Variants in PTPRQ observed in about 807,000 individuals in gnomAD.
PTPRQ encodes the protein protein tyrosine phosphatase receptor type Q, also known as phosphatidylinositol phosphatase PTPRQ.
A neutral mutation model predicts 246.0 loss-of-function variants in PTPRQ; 199 were observed. That is an observed-to-expected ratio of 0.81 (90% CI 0.72 to 0.91). The LOEUF is 0.91. Ranked by LOEUF, PTPRQ falls within the 40% of genes least tolerant of loss-of-function variation. PTPRQ has a pLI of 0.00. For missense variants in PTPRQ, 2,624 were observed against 2,528.4 expected (o/e 1.04, Z -0.81); for synonymous variants, 869 against 853.2 (o/e 1.02, Z -0.32).
At chr12:80,511,602 TA>T (rs1895130135) in intron 17 of PTPRQ, among the ~76,000 whole-genome samples, 1 of 152,184 alleles carries the variant, frequency 6.6e-6, no homozygotes, top group African/African-American at 2.4e-5. Context: ...GAAGGAGGTC[TA>T]CTTTTGATGG....
At chr12:80,546,442 C>A (rs539063883) in intron 23 of PTPRQ, 114 bp from the exon 24 acceptor site, 6 of 1,000,048 alleles carry the variant, frequency 6.0e-6, no homozygotes, top group South Asian at 5.3e-5. Context: ...TTAAAATATC[C>A]ATGCTTATTA....
At chr12:80,491,681 G>C (rs1894454042) in intron 9 of PTPRQ, among the ~76,000 whole-genome samples, 1 of 151,838 alleles carries the variant, frequency 6.6e-6, no homozygotes, top group Admixed American at 6.6e-5. Flanking sequence ...TTATCTTTCA[G>C]AAGAATTAAT....
chr12:80,536,918 G>A (rs1265050462), intron 19 of PTPRQ, among the ~76,000 whole-genome samples: 1 of 152,008 alleles, frequency 6.6e-6, no homozygotes, highest in Non-Finnish European at 1.5e-5. Flanking sequence ...TTTACTTATG[G>A]CTTCTATGTG....
chr12:80,586,243 A>G (rs1383019890), intron 25 of PTPRQ, among the ~76,000 whole-genome samples: 4 of 151,972 alleles, frequency 2.6e-5, no homozygotes, highest in Non-Finnish European at 5.9e-5. Flanking sequence ...AAGGACATGA[A>G]CAGACACTTC....
At chr12:80,612,874 G>A (rs1898606623) in intron 28 of PTPRQ, among the ~76,000 whole-genome samples, 1 of 150,498 alleles carries the variant, frequency 6.6e-6, no homozygotes, top group Non-Finnish European at 1.5e-5. Flanking sequence ...AATACATGTA[G>A]TATCCACCTT....
chr12:80,444,445 G>A, intron 1 of PTPRQ, 46 bp downstream of exon 1: 2 of 1,105,298 alleles, frequency 1.8e-6, no homozygotes, highest in South Asian at 1.4e-5. Flanking sequence ...GTCATGGGCT[G>A]TAGATTTCTC....
At chr12:80,567,072 A>G (rs1464739118) in intron 25 of PTPRQ, among the ~76,000 whole-genome samples, 1 of 152,224 alleles carries the variant, frequency 6.6e-6, no homozygotes, top group Non-Finnish European at 1.5e-5. Flanking sequence ...AAGCACTATT[A>G]GGAACTTTGA....
intron 3 of PTPRQ, among the ~76,000 whole-genome samples, chr12:80,453,154 G>C (rs1009682538): frequency 5.3e-5 from 8 of 151,886 alleles, no homozygotes; most frequent in South Asian, 4.1e-4. Context: ...CCAGTTGATC[G>C]CATCGGCTCC....
At chr12:80,607,215 G>A (rs138035731) in intron 27 of PTPRQ, among the ~76,000 whole-genome samples, 284 of 150,840 alleles carry the variant, frequency 1.9e-3, no homozygotes, top group Non-Finnish European at 3.1e-3. Context: ...GAACAGAGAC[G>A]GTGAATAACT....
intron 39 of PTPRQ, among the ~76,000 whole-genome samples, chr12:80,659,845 G>A (rs896449566): frequency 3.3e-5 from 5 of 152,016 alleles, no homozygotes; most frequent in African/African-American, 1.2e-4. Context: ...TGGTAAGCAG[G>A]CTCAGATGGA....
intron 19 of PTPRQ, among the ~76,000 whole-genome samples, chr12:80,537,249 A>G (rs1445135151): frequency 1.3e-5 from 2 of 152,190 alleles, no homozygotes; most frequent in Non-Finnish European, 1.5e-5. Context: ...TTCACTACCT[A>G]ATTTTCTATT....
At chr12:80,537,291 A>T (rs1896016089) in intron 19 of PTPRQ, among the ~76,000 whole-genome samples, 1 of 152,208 alleles carries the variant, frequency 6.6e-6, no homozygotes, top group African/African-American at 2.4e-5. Flanking sequence ...TCAAAATGAA[A>T]ATTATGTAGC....
At chr12:80,630,321 G>C (rs995284217) in intron 33 of PTPRQ, among the ~76,000 whole-genome samples, 1 of 151,990 alleles carries the variant, frequency 6.6e-6, no homozygotes, top group Non-Finnish European at 1.5e-5. Context: ...GATCTGTCTG[G>C]TGGTTTTCTC....
In PTPRQ at chr12:80,506,648, A is replaced by G. The variant is rs1894970556; in HGVS notation, c.2535A>G (p.Ile845Met). The change falls in exon 16 of 45, where the codon ATA (isoleucine) becomes ATG (methionine). Residue 845 changes from isoleucine to methionine, a missense_variant. Ile to Met is a conservative substitution (Grantham distance 10, BLOSUM62 1). Transcript: ENST00000644991. ...LKGEGVRSAP[I>M]SILTEEDAPD... ...GTGAAGGAGTTCGGAGTGCTCCCAT[A>G]AGTATACTGACGGAGGAAGATGGTA... The G allele has an allele frequency of 2.6e-6, 4 of 1,543,122 alleles. No homozygotes were observed. The highest frequency in any genetic ancestry group is 1.4e-5 in the African/African-American group (1 of 72,858).
intron 38 of PTPRQ, among the ~76,000 whole-genome samples, chr12:80,654,730 G>A (rs975181461): frequency 1.3e-4 from 19 of 151,280 alleles, no homozygotes; most frequent in Non-Finnish European, 2.1e-4. Context: ...CGTGATGGCA[G>A]GTGCCTGTAA....
chr12:80,588,525 C>CCTG, intron 26 of PTPRQ, 73 bp downstream of exon 26: 1 of 1,310,278 alleles, frequency 7.6e-7, no homozygotes. Context: ...ATGCTTTATA[C>CCTG]TTAATCTAAT....
At chr12:80,583,203 A>G (rs1180918295) in intron 25 of PTPRQ, among the ~76,000 whole-genome samples, 1 of 152,322 alleles carries the variant, frequency 6.6e-6, no homozygotes, top group African/African-American at 2.4e-5. Context: ...TCATTTGCTC[A>G]CACATTCAAA....
chr12:80,666,353 G>A (rs774707906), intron 39 of PTPRQ, among the ~76,000 whole-genome samples: 1 of 151,928 alleles, frequency 6.6e-6, no homozygotes, highest in Non-Finnish European at 1.5e-5. Flanking sequence ...CTTATGCAGA[G>A]GCTGAAAAAG....
intron 25 of PTPRQ, among the ~76,000 whole-genome samples, chr12:80,576,857 T>C (rs1270183085): frequency 6.6e-6 from 1 of 152,200 alleles, no homozygotes. Context: ...ATAACTCTGT[T>C]TATCCTGCTA....
Sources: gnomAD v4.1 joint callset for allele counts (sites outside exome capture counted in the v4.1 genomes callset) on GRCh38, gnomAD v4.1.1 for gene constraint, MANE v1.5 for transcripts, NCBI Gene and HGNC (gene_info 2026-07-23, HGNC 2026-07-21) for gene names.